The following KMT2C variants were observed in gnomAD, a reference collection of about 807,000 sequenced individuals.
KMT2C encodes histone-lysine N-methyltransferase 2C.
A neutral mutation model predicts 507.9 loss-of-function variants in KMT2C; 88 were observed. The ratio of observed to expected loss-of-function variants is 0.17; its 90% confidence interval spans 0.15 to 0.21. The LOEUF (loss-of-function observed/expected upper bound fraction) is 0.21, where lower values mean the gene tolerates loss of function less well. Among genes scored for constraint, KMT2C ranks in the 10% least tolerant of loss-of-function variants. The pLI is 1.00. For missense variants in KMT2C, 4,954 were observed against 5,957.8 expected (o/e 0.83, Z 5.55); for synonymous variants, 2,049 against 2,080.8 (o/e 0.98, Z 0.42).
At chr7:152,149,232 A>G (rs2091406843) in intron 51 of KMT2C, 80 bp from the exon 52 acceptor site, 1 of 1,366,778 alleles carries the variant, frequency 7.3e-7, no homozygotes, top group African/African-American at 1.5e-5. Flanking sequence ...CAAGAAGCTG[A>G]GCAGTATGAC....
chr7:152,146,492 G>T, intron 53 of KMT2C, 107 bp downstream of exon 53: 1 of 1,074,116 alleles, frequency 9.3e-7, no homozygotes. Flanking sequence ...TAATGCACAG[G>T]CTCAGTCACT....
chr7:152,234,802 C>T (rs772361259), intron 16 of KMT2C, among the ~76,000 whole-genome samples: 9 of 151,618 alleles, frequency 5.9e-5, no homozygotes, highest in Admixed American at 1.3e-4. Flanking sequence ...ACTTGGGAGA[C>T]GGAGGTGGGA....
At chr7:152,258,826 T>C (rs2095707343) in intron 9 of KMT2C, among the ~76,000 whole-genome samples, 1 of 152,058 alleles carries the variant, frequency 6.6e-6, no homozygotes, top group Non-Finnish European at 1.5e-5. Flanking sequence ...ACACCCAGCC[T>C]AGGGAGTAAG....
In KMT2C at chr7:152,297,055, CAGAGAG is replaced by C. The variant is rs769381866; in HGVS notation, c.849+12905_849+12910del. On this transcript the variant is annotated intron_variant, in intron 6 of 58. Coordinates refer to ENST00000262189, the MANE Select transcript of KMT2C (RefSeq NM_170606.3). Reference sequence around the variant, plus strand: ...AAAGAAAGAAAGAAAGAAAGAAAGACAGAGAGAGAGAGAGAGAGAGAGAGAGAGAGA... The same window carrying C: ...AAAGAAAGAAAGAAAGAAAGAAAGACAGAGAGAGAGAGAGAGAGAGAGAGA... 7.7e-3 allele frequency among the ~76,000 whole-genome samples: 652 copies of C among 84,304 alleles called. 11 individuals carry two copies. The highest frequency in any genetic ancestry group is 0.024 in the Middle Eastern group (4 of 166). 55.3% of individuals were successfully genotyped at this position (84,304 alleles called of 152,430 possible).
chr7:152,252,747 G>A (rs1563595636), intron 9 of KMT2C, 32 bp from the exon 10 acceptor site: 4 of 1,488,890 alleles, frequency 2.7e-6, no homozygotes, highest in East Asian at 2.3e-5. Context: ...AACAAAAACA[G>A]TTTGTTATGC....
intron 6 of KMT2C, among the ~76,000 whole-genome samples, chr7:152,303,572 C>A (rs1037861399): frequency 6.6e-6 from 1 of 152,204 alleles, no homozygotes; most frequent in Non-Finnish European, 1.5e-5. Context: ...AGCTATTTTC[C>A]TCACTCTCAT....
chr7:152,146,512 G>A (rs2091114520), intron 53 of KMT2C, 87 bp downstream of exon 53: 11 of 1,318,556 alleles, frequency 8.3e-6, no homozygotes, highest in Non-Finnish European at 1.2e-5. Flanking sequence ...TTTCTGAAGA[G>A]TGCCACAAAT....
intron 23 of KMT2C, 71 bp from the exon 24 acceptor site, chr7:152,207,499 A>G (rs1020558473): frequency 4.4e-5 from 61 of 1,399,310 alleles, no homozygotes; most frequent in Admixed American, 8.7e-5. Context: ...ATAATGGGGA[A>G]TAAAAAGTAG....
rs535640617 is a variant in KMT2C at position 152,180,798 on chromosome 7, T to C, written c.7062A>G (p.Gln2354=). The part of the protein sequence containing the change: ...SQGQQFSGVS[Q]LPGPVPTSGV... Reference sequence around the variant, plus strand: ...CTGAAGTTGGCACAGGTCCAGGAAGTTGGGAGACACCAGAGAACTGCTGGC... The same window carrying C: ...CTGAAGTTGGCACAGGTCCAGGAAGCTGGGAGACACCAGAGAACTGCTGGC... Residue 2354 remains glutamine (Q), a synonymous_variant, in exon 36 of 59, where the codon CAA becomes CAG. Coordinates refer to ENST00000262189, the MANE Select transcript of KMT2C (RefSeq NM_170606.3). 3.6e-5 allele frequency: 58 copies of C among 1,614,152 alleles called. 1 individual carries two copies. The South Asian group carries it at 5.4e-4, about 15-fold the overall frequency.
chr7:152,257,047 T>C (rs1189237977), intron 9 of KMT2C, among the ~76,000 whole-genome samples: 1 of 152,150 alleles, frequency 6.6e-6, no homozygotes, highest in Admixed American at 6.6e-5. Context: ...AAAACACACA[T>C]GCACAAAGCT....
At position 152,370,037 on chromosome 7, in the gene KMT2C, C is replaced by CA. The variant is rs1435704486; in HGVS notation, c.162-11363dup. Among the ~76,000 whole-genome samples, 18 of 151,850 alleles carry CA rather than the reference C, an allele frequency of 1.2e-4. No individual in the cohort carries two copies. In the South Asian group the frequency reaches 2.9e-3, roughly 25 times the overall value. On this transcript the variant is annotated intron_variant, in intron 1 of 58. Transcript: ENST00000262189. Reference sequence around the variant, plus strand: ...TGAAACCCCGTCTCTACTAAAAATACAAAAAAATTAGCTGGGCGTGGTAGT... The same window carrying CA: ...TGAAACCCCGTCTCTACTAAAAATACAAAAAAAATTAGCTGGGCGTGGTAGT...
intron 6 of KMT2C, among the ~76,000 whole-genome samples, chr7:152,282,310 AG>A (rs1210826896): frequency 2.0e-5 from 3 of 150,034 alleles, no homozygotes; most frequent in African/African-American, 7.4e-5. Context: ...AAAAAAAAAA[AG>A]AAAGAAAGAA....
chr7:152,168,792 A>G (rs2092838231), intron 41 of KMT2C, among the ~76,000 whole-genome samples: 1 of 152,136 alleles, frequency 6.6e-6, no homozygotes, highest in African/African-American at 2.4e-5. Context: ...TGCTAACCCA[A>G]CTTACTGCTA....
At chr7:152,205,998 A>G (rs1467936775) in intron 24 of KMT2C, among the ~76,000 whole-genome samples, 1 of 152,208 alleles carries the variant, frequency 6.6e-6, no homozygotes, top group African/African-American at 2.4e-5. Flanking sequence ...TGGGACACAT[A>G]GAGCCCTGTG....
chr7:152,255,128 T>TATATATATATATATATAC (rs1355078573), intron 9 of KMT2C, among the ~76,000 whole-genome samples: 1 of 127,374 alleles, frequency 7.9e-6, no homozygotes, highest in Non-Finnish European at 1.7e-5. Flanking sequence ...TATATATATA[T>TATATATATATATATATAC]ATATATATAT....
chr7:152,391,167 A>AAAAAAAAT (rs2097492772), intron 1 of KMT2C, among the ~76,000 whole-genome samples: 1 of 144,674 alleles, frequency 6.9e-6, no homozygotes, highest in Non-Finnish European at 1.5e-5. Flanking sequence ...AAAAAAAAAA[A>AAAAAAAAT]GCCTTAAAAT....
chr7:152,366,380 T>C (rs919415256), intron 1 of KMT2C, among the ~76,000 whole-genome samples: 2 of 152,174 alleles, frequency 1.3e-5, no homozygotes, highest in African/African-American at 4.8e-5. Flanking sequence ...ATTGGCAGTA[T>C]GTCTATGGTG....
intron 11 of KMT2C, 41 bp downstream of exon 11, chr7:152,251,898 C>T: frequency 6.6e-7 from 1 of 1,514,498 alleles, no homozygotes; most frequent in Non-Finnish European, 8.9e-7. Flanking sequence ...CACAACATTA[C>T]AAAAACAAAA....
rs1311491077 is a variant in KMT2C, at chr7:152,218,538, CTGTCA to C, written c.3712+1980_3712+1984del. Among the ~76,000 whole-genome samples the C allele has an allele frequency of 3.9e-5, 6 of 152,224 alleles. No individual in the cohort carries two copies. In the East Asian group the frequency reaches 1.2e-3, roughly 29 times the overall value. ...GGACCATTGTTTCTCACTGATCTAC[CTGTCA>C]TAACTCTTGCACCTAATCATCTATT... On this transcript the variant is annotated intron_variant, in intron 23 of 58. Transcript: ENST00000262189.
Sources: allele counts gnomAD v4.1 joint callset (sites outside exome capture counted in the v4.1 genomes callset), GRCh38; gene constraint gnomAD v4.1.1; transcripts MANE v1.5; gene names NCBI Gene and HGNC (gene_info 2026-07-23, HGNC 2026-07-21).